The following RAPGEF1 variants were observed in gnomAD, a reference collection of about 807,000 sequenced individuals.
RAPGEF1 encodes CRK SH3-binding GNRP.
In RAPGEF1, 33 loss-of-function variants were observed where a neutral mutation model predicts 143.3. That is an observed-to-expected ratio of 0.23 (90% confidence interval 0.17 to 0.31). The LOEUF (loss-of-function observed/expected upper bound fraction) is 0.31. RAPGEF1 is among the 10% of genes least tolerant of loss of function. The pLI, the probability that RAPGEF1 is intolerant of heterozygous loss-of-function variation, is 1.00. For missense variants in RAPGEF1, 1,199 were observed against 1,645.4 expected (o/e 0.73, Z 4.69); for synonymous variants, 629 against 676.5 (o/e 0.93, Z 1.09).
intron 1 of RAPGEF1, among the ~76,000 whole-genome samples, chr9:131,698,024 G>A (rs1212292709): frequency 1.3e-5 from 2 of 152,158 alleles, no homozygotes. Flanking sequence ...CCAAGGACAA[G>A]GGCAAAGACT....
chr9:131,719,937 G>A (rs1422025190), intron 1 of RAPGEF1, among the ~76,000 whole-genome samples: 1 of 147,514 alleles, frequency 6.8e-6, no homozygotes, highest in African/African-American at 2.5e-5. Context: ...CCAGGCTGAA[G>A]TACAGTGGCA....
intron 6 of RAPGEF1, 83 bp downstream of exon 6, chr9:131,630,153 A>AC (rs922198765): frequency 1.1e-4 from 123 of 1,077,884 alleles, no homozygotes; most frequent in Non-Finnish European, 1.3e-4. Flanking sequence ...CATGCTGCCC[A>AC]CCCCACCGGG....
In RAPGEF1 at chr9:131,728,326, T is replaced by C. The variant is rs1339954064; in HGVS notation, c.61+11444A>G. On this transcript the variant is annotated intron_variant, in intron 1 of 26. Coordinates refer to ENST00000683357, the MANE Select transcript of RAPGEF1 (RefSeq NM_001377935.1). ...TGCAACACTCTGTGATCATTTCACCTCCAGAGCTGAACGAAGATGATTTAA... is the reference window on the plus strand; with the variant it reads ...TGCAACACTCTGTGATCATTTCACCCCCAGAGCTGAACGAAGATGATTTAA... Among the ~76,000 whole-genome samples, 10 of 152,182 alleles carry C rather than the reference T, an allele frequency of 6.6e-5. No individual in the cohort carries two copies. In the East Asian group the frequency reaches 1.9e-3, roughly 29 times the overall value.
intron 1 of RAPGEF1, among the ~76,000 whole-genome samples, chr9:131,719,509 TAGCTCTTCAACCC>T (rs1836103214): frequency 6.6e-6 from 1 of 151,320 alleles, no homozygotes; most frequent in Non-Finnish European, 1.5e-5. Context: ...GGCTTCAACC[TAGCTCTTCAACCC>T]AGCTGGACAA....
intron 1 of RAPGEF1, among the ~76,000 whole-genome samples, chr9:131,676,823 G>T (rs1185163616): frequency 1.3e-5 from 2 of 152,222 alleles, no homozygotes; most frequent in African/African-American, 4.8e-5. Flanking sequence ...CTAGTCAGCG[G>T]TTCTCAAAGT....
chr9:131,709,795 C>A, intron 1 of RAPGEF1: 2 of 1,509,548 alleles, frequency 1.3e-6, no homozygotes, highest in East Asian at 2.4e-5. Context: ...CCCAAACCAC[C>A]CAGCGGCAGA....
intron 17 of RAPGEF1, among the ~76,000 whole-genome samples, chr9:131,595,575 C>G (rs139953388): frequency 6.6e-6 from 1 of 152,148 alleles, no homozygotes; most frequent in African/African-American, 2.4e-5. Context: ...AGAGAAGCAG[C>G]GTGTGGAGAG....
intron 12 of RAPGEF1, among the ~76,000 whole-genome samples, chr9:131,611,972 G>A (rs1340209968): frequency 6.6e-6 from 1 of 152,170 alleles, no homozygotes; most frequent in Non-Finnish European, 1.5e-5. Flanking sequence ...TGGAACAAAT[G>A]GCTCAGCTTC....
intron 17 of RAPGEF1, among the ~76,000 whole-genome samples, chr9:131,596,063 C>CGGAGGACAGATG (rs1326432406): frequency 3.8e-4 from 58 of 152,288 alleles, no homozygotes; most frequent in Admixed American, 2.0e-3. Context: ...ACCCTGGAGG[C>CGGAGGACAGATG]CCTGGGGTCA....
intron 1 of RAPGEF1, chr9:131,710,083 T>C (rs1029774050): frequency 9.8e-6 from 4 of 407,738 alleles, no homozygotes; most frequent in African/African-American, 8.7e-5. Flanking sequence ...GGGAATCAGG[T>C]GATCAAAATG....
chr9:131,621,478 G>GA lies in RAPGEF1; in HGVS notation c.1905+317dup, dbSNP rs1383699741. 6.6e-6 allele frequency among the ~76,000 whole-genome samples: 1 copy of GA among 152,078 alleles called. No individual in the cohort carries two copies. Among genetic ancestry groups the GA allele is most frequent in the Non-Finnish European group, 1.5e-5 (1 of 67,994 alleles). Reference sequence around the variant, plus strand: ...GTCTATGTTGAAGCCAAAGAAGAAAGAAAAAAATACAAGAGACTGTCAGCA... The same window carrying GA: ...GTCTATGTTGAAGCCAAAGAAGAAAGAAAAAAAATACAAGAGACTGTCAGCA... On this transcript the variant is annotated intron_variant, in intron 11 of 26. Transcript: ENST00000683357. This position sits in a 1 kb window ranked among gnomAD's most constrained non-coding sequence, Gnocchi z 4.5.
intron 19 of RAPGEF1, among the ~76,000 whole-genome samples, chr9:131,589,554 C>G (rs532406100): frequency 6.6e-6 from 1 of 152,226 alleles, no homozygotes; most frequent in African/African-American, 2.4e-5. Context: ...CTCTCCCATT[C>G]CAGCCTCCAC....
chr9:131,613,050 G>A (rs1958282272), intron 12 of RAPGEF1, among the ~76,000 whole-genome samples: 1 of 152,200 alleles, frequency 6.6e-6, no homozygotes, highest in Admixed American at 6.5e-5. Flanking sequence ...ACACAGGAAA[G>A]CAGCAGCCTC....
chr9:131,675,162 G>T lies in RAPGEF1; in HGVS notation c.62-24213C>A, dbSNP rs978300748. Among the ~76,000 whole-genome samples the T allele has an allele frequency of 2.0e-5, 3 of 152,088 alleles. No individual in the cohort carries two copies. Among genetic ancestry groups the T allele is most frequent in the Non-Finnish European group, 2.9e-5 (2 of 68,016 alleles). On this transcript the variant is annotated intron_variant, in intron 1 of 26. Coordinates refer to ENST00000683357, the MANE Select transcript of RAPGEF1 (RefSeq NM_001377935.1). This position sits in a 1 kb window ranked among gnomAD's most constrained non-coding sequence, Gnocchi z 4.6. Reference sequence around the variant, plus strand: ...GAAGCTGGTGAGATTTGCTGCACTTGGCTAGATTTGCTGCACTTGGCTGGA... The same window carrying T: ...GAAGCTGGTGAGATTTGCTGCACTTTGCTAGATTTGCTGCACTTGGCTGGA...
At chr9:131,653,251 C>T (rs192997328) in intron 1 of RAPGEF1, among the ~76,000 whole-genome samples, 61 of 152,286 alleles carry the variant, frequency 4.0e-4, no homozygotes, top group African/African-American at 1.3e-3. Flanking sequence ...AGGTTACTTA[C>T]GATACCAAAT....
At chr9:131,605,820 T>C (rs1957038732) in intron 12 of RAPGEF1, among the ~76,000 whole-genome samples, 1 of 151,498 alleles carries the variant, frequency 6.6e-6, no homozygotes, top group Admixed American at 6.6e-5. Flanking sequence ...ACACCTGCAG[T>C]CTCAGCTCTT....
At chr9:131,631,052 C>T (rs914260876) in intron 5 of RAPGEF1, among the ~76,000 whole-genome samples, 3 of 151,882 alleles carry the variant, frequency 2.0e-5, no homozygotes, top group African/African-American at 7.3e-5. Context: ...TTTCTATCAC[C>T]GTCTCCAGCC....
chr9:131,631,807 T>A (rs1290881667), intron 5 of RAPGEF1, among the ~76,000 whole-genome samples: 1 of 152,170 alleles, frequency 6.6e-6, no homozygotes, highest in Admixed American at 6.5e-5. Context: ...GAAAAAAATA[T>A]CAAACAAGAA....
chr9:131,663,633 G>A (rs1829955951), intron 1 of RAPGEF1, among the ~76,000 whole-genome samples: 1 of 152,036 alleles, frequency 6.6e-6, no homozygotes, highest in Non-Finnish European at 1.5e-5. Flanking sequence ...CCCGTAAGTT[G>A]GATCTGCCTG....
Sources: allele counts gnomAD v4.1 joint callset (sites outside exome capture counted in the v4.1 genomes callset), GRCh38; gene constraint gnomAD v4.1.1; non-coding constraint Gnocchi (gnomAD v3.1); transcripts MANE v1.5; gene names NCBI Gene and HGNC (gene_info 2026-07-23, HGNC 2026-07-21).